The following RUNX3 variants were observed in gnomAD, a reference collection of about 807,000 sequenced individuals.
The protein encoded by RUNX3 is RUNX family transcription factor 3.
RUNX3 carries 10 observed loss-of-function variants against 27.7 expected under a neutral mutation model. That is an observed-to-expected ratio of 0.36 (90% confidence interval 0.22 to 0.61). The LOEUF is 0.61. Ranked by LOEUF, RUNX3 falls within the 20% of genes least tolerant of loss-of-function variation. RUNX3 has a pLI of 0.72. For synonymous variants in RUNX3, 270 were observed against 269.2 expected, an observed-to-expected ratio of 1.00 and a Z score of -0.03; for missense variants, 469 against 629.5, an observed-to-expected ratio of 0.75 and a Z score of 2.73.
At position 24,899,761 on chromosome 1, in the gene RUNX3, CACTACTG is replaced by C. The variant is rs1640499684; in HGVS notation, c.*2354_*2360del. 1 of 152,594 alleles carries C rather than the reference CACTACTG, an allele frequency of 6.6e-6. No homozygotes were observed. The highest frequency in any genetic ancestry group is 1.5e-5 in the Non-Finnish European group (1 of 68,048). The allele number at this position is 152,594 out of a possible 1,614,324, so 9.5% of individuals were successfully genotyped here. On this transcript the variant is annotated 3_prime_UTR_variant, in exon 5 of 5. Coordinates refer to ENST00000308873, the MANE Select transcript of RUNX3 (RefSeq NM_004350.3). ...CAATATGTCACAAAAGATTGGTACC[CACTACTG>C]ACAGGCTCACAGTAACACTATATCA...
upstream of RUNX3, among the ~76,000 whole-genome samples, chr1:24,933,415 A>G (rs1641274515): frequency 6.6e-6 from 1 of 152,224 alleles, no homozygotes. Context: ...CTGTCATGAA[A>G]AAATAAGACC....
intron 2 of RUNX3, among the ~76,000 whole-genome samples, chr1:24,959,418 A>G (rs769282797): frequency 2.0e-5 from 3 of 152,206 alleles, no homozygotes; most frequent in Non-Finnish European, 4.4e-5. Flanking sequence ...AGAAGCCGCC[A>G]TCAAAGGGAC....
In RUNX3 at chr1:24,906,119, G is replaced by A. The variant is rs192495904; in HGVS notation, c.703+1140C>T. 3.4e-3 allele frequency among the ~76,000 whole-genome samples: 518 copies of A among 152,352 alleles called. 4 individuals are homozygous for A. Among genetic ancestry groups the A allele is most frequent in the Admixed American group, 8.1e-3 (124 of 15,308 alleles). ...CAGCACTATGCCTGGAACAATGTCAGTAGAGAGACCCAGTCGGCCCCCACC... is the reference window on the plus strand; with the variant it reads ...CAGCACTATGCCTGGAACAATGTCAATAGAGAGACCCAGTCGGCCCCCACC... On this transcript the variant is annotated intron_variant, in intron 4 of 4. Transcript: ENST00000308873.
In RUNX3 at chr1:24,930,216, C is replaced by CCCGCGGCCGCCCCGACT. The variant is rs1553204008; in HGVS notation, c.-365_-349dup. The stretch of plus-strand genomic sequence containing the variant: ...CCGCCGCCTCCCGCCCCGAAGCTCG[C>CCCGCGGCCGCCCCGACT]CCGCGGCCGCCCCGACTCCGCGGCC... On this transcript the variant is annotated 5_prime_UTR_variant, in exon 1 of 5. Transcript: ENST00000308873. This position sits in a 1 kb window ranked among gnomAD's most constrained non-coding sequence, Gnocchi z 4.1. The CCCGCGGCCGCCCCGACT allele has an allele frequency of 7.1e-6, 7 of 982,008 alleles. No homozygotes were observed. Among genetic ancestry groups the CCCGCGGCCGCCCCGACT allele is most frequent in the South Asian group, 4.7e-5 (1 of 21,282 alleles). 60.8% of individuals were successfully genotyped at this position (982,008 alleles called of 1,614,324 possible). A position where few individuals can be genotyped will look rare whatever the true frequency, so the allele number is the denominator to read the frequency against.
chr1:24,946,009 G>A (rs1641597000), intron 2 of RUNX3, among the ~76,000 whole-genome samples: 1 of 152,140 alleles, frequency 6.6e-6, no homozygotes, highest in Non-Finnish European at 1.5e-5. Context: ...GCTTCAAACT[G>A]AGTCTGGCTT....
At chr1:24,949,339 A>G (rs1426687366) in intron 2 of RUNX3, among the ~76,000 whole-genome samples, 3 of 152,192 alleles carry the variant, frequency 2.0e-5, no homozygotes, top group Admixed American at 2.0e-4. Flanking sequence ...CAAATCGTCC[A>G]GCGTCCAGGG....
chr1:24,957,149 C>T (rs564811270), intron 2 of RUNX3, among the ~76,000 whole-genome samples: 2 of 152,334 alleles, frequency 1.3e-5, no homozygotes, highest in South Asian at 4.1e-4. Flanking sequence ...GCCAAAAACA[C>T]TTTTCCCAGA....
intron 1 of RUNX3, chr1:24,928,835 C>A (rs575236570): frequency 1.1e-5 from 4 of 348,806 alleles, no homozygotes; most frequent in African/African-American, 4.3e-5. Flanking sequence ...GGCAGCACCA[C>A]CCCCAGCCGC....
In RUNX3 at chr1:24,923,777, G is replaced by A. The variant is rs778366800; in HGVS notation, c.439+3797C>T. Among the ~76,000 whole-genome samples, 2 of 152,128 alleles carry A rather than the reference G, an allele frequency of 1.3e-5. No homozygotes were observed. The highest frequency in any genetic ancestry group is 4.8e-5 in the African/African-American group (2 of 41,400). On this transcript the variant is annotated intron_variant, in intron 2 of 4. Coordinates refer to ENST00000308873, the MANE Select transcript of RUNX3 (RefSeq NM_004350.3). The surrounding 1 kb of genome is among the most constrained non-coding windows in gnomAD (Gnocchi z 5.9). ...GCCATTCATCTCTCCCCCAACCAGC[G>A]GTTCCCCTCAGCCTGCACCGGCACA...
intron 2 of RUNX3, among the ~76,000 whole-genome samples, chr1:24,948,396 C>T (rs28756878): frequency 3.3e-5 from 5 of 152,216 alleles, no homozygotes; most frequent in East Asian, 3.9e-4. Context: ...GCACACAAGG[C>T]GGGAGGCCTA....
upstream of RUNX3, among the ~76,000 whole-genome samples, chr1:24,930,953 C>CA (rs1641214561): frequency 1.3e-5 from 2 of 152,246 alleles, no homozygotes; most frequent in Non-Finnish European, 2.9e-5. The surrounding 1 kb of genome is among the most constrained non-coding windows in gnomAD (Gnocchi z 4.1). Context: ...CTGGGGCCAA[C>CA]AACCCCTTTC....
chr1:24,936,552 C>T (rs77435405), intron 2 of RUNX3, among the ~76,000 whole-genome samples: 2,841 of 152,322 alleles, frequency 0.019, 39 homozygotes, highest in Non-Finnish European at 0.027. Flanking sequence ...CCCCATTTCT[C>T]AAATGACAGA....
At chr1:24,909,860 A>G (rs1434451398) in intron 3 of RUNX3, among the ~76,000 whole-genome samples, 1 of 152,176 alleles carries the variant, frequency 6.6e-6, no homozygotes, top group Non-Finnish European at 1.5e-5. Flanking sequence ...ACTTGGTGGG[A>G]GGCTGCCAGT....
At chr1:24,948,788 A>G (rs1163108494) in intron 2 of RUNX3, among the ~76,000 whole-genome samples, 1 of 152,042 alleles carries the variant, frequency 6.6e-6, no homozygotes. Flanking sequence ...ACAAGGGTAC[A>G]TGTGGGGAGG....
intron 3 of RUNX3, among the ~76,000 whole-genome samples, chr1:24,914,731 A>G (rs1640856547): frequency 6.6e-6 from 1 of 152,200 alleles, no homozygotes; most frequent in East Asian, 1.9e-4. Flanking sequence ...GGAGCCAGGG[A>G]CCTGGAGCAG....
intron 3 of RUNX3, among the ~76,000 whole-genome samples, chr1:24,913,412 G>A (rs1403231308): frequency 6.6e-6 from 1 of 152,252 alleles, no homozygotes; most frequent in Non-Finnish European, 1.5e-5. Flanking sequence ...CTTGCCTTCT[G>A]GGCCTCAGCT....
intron 2 of RUNX3, among the ~76,000 whole-genome samples, chr1:24,920,962 G>A (rs1022099054): frequency 2.0e-5 from 3 of 152,046 alleles, no homozygotes; most frequent in African/African-American, 4.8e-5. Flanking sequence ...GGAGATTTGC[G>A]GATCCCCCAA....
intron 4 of RUNX3, among the ~76,000 whole-genome samples, chr1:24,903,412 A>G (rs1170863471): frequency 1.3e-5 from 2 of 152,152 alleles, no homozygotes; most frequent in Non-Finnish European, 2.9e-5. Context: ...CTTGGCAGCA[A>G]AGTGAGACAG....
intron 2 of RUNX3, among the ~76,000 whole-genome samples, chr1:24,935,293 C>T (rs1397483287): frequency 1.3e-5 from 2 of 152,174 alleles, no homozygotes; most frequent in African/African-American, 4.8e-5. Flanking sequence ...CATCTGAATG[C>T]GGGGGTGCAC....
Sources: gnomAD v4.1 joint callset for allele counts (sites outside exome capture counted in the v4.1 genomes callset) on GRCh38, gnomAD v4.1.1 for gene constraint, Gnocchi (gnomAD v3.1) non-coding constraint, MANE v1.5 for transcripts, NCBI Gene and HGNC (gene_info 2026-07-23, HGNC 2026-07-21) for gene names.